The following SPTSSA variants were observed in gnomAD, a reference collection of about 807,000 sequenced individuals.
The protein encoded by SPTSSA is small subunit of serine palmitoyltransferase A.
SPTSSA carries 8 observed loss-of-function variants against 9.1 expected under a neutral mutation model. The ratio of observed to expected loss-of-function variants is 0.88; its 90% CI spans 0.51 to 1.58. The LOEUF (loss-of-function observed/expected upper bound fraction) is 1.58. SPTSSA is among the 40% of genes most tolerant of loss of function. The pLI is 0.00. For synonymous variants in SPTSSA, 42 were observed against 37.7 expected, an observed-to-expected ratio of 1.11 and a Z score of -0.41; for missense variants, 100 against 93.8, an observed-to-expected ratio of 1.07 and a Z score of -0.27.
At chr14:34,458,025 G>T (rs1594627076) in intron 1 of SPTSSA, among the ~76,000 whole-genome samples, 1 of 148,982 alleles carries the variant, frequency 6.7e-6, no homozygotes, top group African/African-American at 2.5e-5. Context: ...ATGGTATATA[G>T]GCCCTAGTGA....
chr14:34,452,389 A>C (rs113428189), intron 1 of SPTSSA, among the ~76,000 whole-genome samples: 1,865 of 152,284 alleles, frequency 0.012, 39 homozygotes, highest in African/African-American at 0.043. Context: ...CTGTATGTTA[A>C]CCAATTTGAT....
At position 34,435,219 on chromosome 14, in the gene SPTSSA, G is replaced by A. The variant is rs750118299; in HGVS notation, c.198C>T (p.Tyr66=). The part of the protein sequence containing the change: ...MPQHIMAILH[Y]FEIVQ Reference sequence around the variant, plus strand: ...ATCTTGGTCATTGTACGATTTCAAAGTAGTGCAATATCGCCATGATGTGCT... The same window carrying A: ...ATCTTGGTCATTGTACGATTTCAAAATAGTGCAATATCGCCATGATGTGCT... The change falls in exon 2 of 2, where the codon TAC becomes TAT. Residue 66 remains tyrosine, a synonymous_variant. Coordinates refer to ENST00000298130, the MANE Select transcript of SPTSSA (RefSeq NM_138288.4). 13 of 1,613,546 alleles carry A rather than the reference G, an allele frequency of 8.1e-6. No homozygotes were observed. The South Asian group carries it at 1.4e-4, about 18-fold the overall frequency.
intron 1 of SPTSSA, among the ~76,000 whole-genome samples, chr14:34,451,604 T>G (rs1883525091): frequency 6.6e-6 from 1 of 151,114 alleles, no homozygotes; most frequent in Non-Finnish European, 1.5e-5. Flanking sequence ...GCGCCTGTAG[T>G]CCCAGCTACT....
chr14:34,434,959 G>A lies in SPTSSA; in HGVS notation c.*242C>T. On this transcript the variant is annotated 3_prime_UTR_variant, in exon 2 of 2. Transcript: ENST00000298130. ...AGGTTAAGAAAATACTGATATCAAA[G>A]TACAAATGACTACAATGTTAAAATA... 1 of 287,520 alleles carries A rather than the reference G, an allele frequency of 3.5e-6. No individual in the cohort carries two copies. Among genetic ancestry groups the A allele is most frequent in the Non-Finnish European group, 6.5e-6 (1 of 154,896 alleles). The allele number at this position is 287,520 out of a possible 1,614,324, so 17.8% of individuals were successfully genotyped here.
intron 1 of SPTSSA, among the ~76,000 whole-genome samples, chr14:34,444,925 C>T (rs1157559634): frequency 1.3e-5 from 2 of 150,058 alleles, no homozygotes; most frequent in Non-Finnish European, 3.0e-5. Context: ...AACCCCGTCT[C>T]AGCTAAAACT....
chr14:34,437,481 T>C (rs1883258309), intron 1 of SPTSSA, among the ~76,000 whole-genome samples: 1 of 152,238 alleles, frequency 6.6e-6, no homozygotes, highest in Non-Finnish European at 1.5e-5. Flanking sequence ...GGATAACCCC[T>C]GACTGGTCTT....
chr14:34,455,428 G>A (rs1883601014), intron 1 of SPTSSA, among the ~76,000 whole-genome samples: 1 of 151,910 alleles, frequency 6.6e-6, no homozygotes, highest in African/African-American at 2.4e-5. Context: ...TATATTCACA[G>A]AATATCTCAG....
chr14:34,442,033 G>A (rs1434047745), intron 1 of SPTSSA, among the ~76,000 whole-genome samples: 1 of 151,996 alleles, frequency 6.6e-6, no homozygotes, highest in Non-Finnish European at 1.5e-5. Context: ...CCGCCACCAT[G>A]CCCGGCTAAT....
chr14:34,461,096 T>C (rs946076983), intron 1 of SPTSSA, among the ~76,000 whole-genome samples: 1 of 152,214 alleles, frequency 6.6e-6, no homozygotes, highest in Non-Finnish European at 1.5e-5. Flanking sequence ...TGAAGTAAGC[T>C]ACTCCAACTA....
At chr14:34,442,955 G>GTGTGTGTGTGT (rs1566422692) in intron 1 of SPTSSA, among the ~76,000 whole-genome samples, 25 of 124,234 alleles carry the variant, frequency 2.0e-4, no homozygotes, top group African/African-American at 7.6e-4. Context: ...TGTCTAGGGG[G>GTGTGTGTGTGT]GTGTGTGTGT....
intron 1 of SPTSSA, among the ~76,000 whole-genome samples, chr14:34,436,819 T>G (rs1274752270): frequency 1.3e-5 from 2 of 152,188 alleles, no homozygotes; most frequent in East Asian, 3.8e-4. Context: ...ACTCATTCTC[T>G]TCATCCAGCA....
At chr14:34,457,000 C>T (rs1056397111) in intron 1 of SPTSSA, among the ~76,000 whole-genome samples, 7 of 142,314 alleles carry the variant, frequency 4.9e-5, no homozygotes, top group Admixed American at 3.5e-4. Flanking sequence ...TATTTTGAGA[C>T]GGAGCATTTG....
rs1189484868 is a variant in SPTSSA at position 34,456,953 on chromosome 14, TTATTATTATTATTATTATTAC to T, written c.112+5122_112+5142del. On this transcript the variant is annotated intron_variant, in intron 1 of 1. Transcript: ENST00000298130. ...AATAGCACACTTCTGATTCAAATTA[TTATTATTATTATTATTATTAC>T]TATTATTATTATTATTATTTTGAGA... is the stretch of plus-strand genomic sequence containing the variant. Among the ~76,000 whole-genome samples, 7 of 147,750 alleles carry T rather than the reference TTATTATTATTATTATTATTAC, an allele frequency of 4.7e-5. No homozygotes were observed. The South Asian group carries it at 1.5e-3, about 31-fold the overall frequency.
chr14:34,436,761 G>A lies in SPTSSA; in HGVS notation c.113-1457C>T, dbSNP rs181111078. On this transcript the variant is annotated intron_variant, in intron 1 of 1. Transcript: ENST00000298130. ...CTTGTTCAGGGCCATACAGGAAGCTGTCTTTAGAGCCAGAGGTCAAACCAA... is the reference window on the plus strand; with the variant it reads ...CTTGTTCAGGGCCATACAGGAAGCTATCTTTAGAGCCAGAGGTCAAACCAA... Among the ~76,000 whole-genome samples the A allele has an allele frequency of 3.1e-3, 475 of 152,274 alleles. 3 individuals carry two copies. Among genetic ancestry groups the A allele is most frequent in the African/African-American group, 9.1e-3 (379 of 41,554 alleles).
chr14:34,438,209 T>C (rs933159093), intron 1 of SPTSSA, among the ~76,000 whole-genome samples: 1 of 152,160 alleles, frequency 6.6e-6, no homozygotes, highest in Non-Finnish European at 1.5e-5. Flanking sequence ...TTGGGCCCCA[T>C]ATTCCCTCAT....
chr14:34,457,227 C>A (rs1487579876), intron 1 of SPTSSA, among the ~76,000 whole-genome samples: 3 of 152,008 alleles, frequency 2.0e-5, no homozygotes, highest in African/African-American at 7.2e-5. Flanking sequence ...ATCCAGCCAC[C>A]TCAGCCTCCC....
chr14:34,441,423 CT>C (rs901006598), intron 1 of SPTSSA, among the ~76,000 whole-genome samples: 2 of 152,206 alleles, frequency 1.3e-5, no homozygotes. Context: ...CTTTGAGCCC[CT>C]ATGCTCAAGC....
intron 1 of SPTSSA, among the ~76,000 whole-genome samples, chr14:34,444,281 T>G (rs1883382095): frequency 6.6e-6 from 1 of 152,246 alleles, no homozygotes; most frequent in African/African-American, 2.4e-5. Flanking sequence ...AATATTAGGT[T>G]TGCTAAATGC....
At chr14:34,440,218 G>T (rs1357759000) in intron 1 of SPTSSA, among the ~76,000 whole-genome samples, 2 of 152,182 alleles carry the variant, frequency 1.3e-5, no homozygotes, top group Admixed American at 6.5e-5. Flanking sequence ...AGATGTTCAT[G>T]TGACTAGATT....
Sources: allele counts gnomAD v4.1 joint callset (sites outside exome capture counted in the v4.1 genomes callset), GRCh38; gene constraint gnomAD v4.1.1; transcripts MANE v1.5; gene names NCBI Gene and HGNC (gene_info 2026-07-23, HGNC 2026-07-21).